The following SGCZ variants were observed in gnomAD, a reference collection of about 807,000 sequenced individuals.
SGCZ encodes the protein sarcoglycan zeta, also known as zeta-sarcoglycan.
Under a neutral mutation model 41.3 loss-of-function variants are expected in SGCZ, and 40 were observed. That is an observed-to-expected ratio of 0.97 (90% CI 0.75 to 1.26). The LOEUF (loss-of-function observed/expected upper bound fraction) is 1.26. SGCZ is among the 50% of genes most tolerant of loss of function. The pLI is 0.00. For synonymous variants in SGCZ, 206 were observed against 137.5 expected, an observed-to-expected ratio of 1.50 and a Z score of -3.49; for missense variants, 552 against 369.8, an observed-to-expected ratio of 1.49 and a Z score of -4.04.
intron 1 of SGCZ, among the ~76,000 whole-genome samples, chr8:15,187,957 G>C (rs905369573): frequency 6.6e-6 from 1 of 151,930 alleles, no homozygotes; most frequent in Admixed American, 6.6e-5. Context: ...GAGTAGGGGG[G>C]TGTATGATAT....
intron 3 of SGCZ, among the ~76,000 whole-genome samples, chr8:14,292,761 G>C (rs916620061): frequency 6.6e-6 from 1 of 151,712 alleles, no homozygotes; most frequent in Non-Finnish European, 1.5e-5. Context: ...CAACAAAATG[G>C]AAAAATAATA....
In SGCZ at chr8:15,030,150, G is replaced by A. The variant is rs192255263; in HGVS notation, c.39+207435C>T. On this transcript the variant is annotated intron_variant, in intron 1 of 7. Transcript: ENST00000382080. Reference sequence around the variant, plus strand: ...GCATTGTGTACAAGATGGGAAAGCAGCACAGGAATTGGAAGGATCCCCTTA... The same window carrying A: ...GCATTGTGTACAAGATGGGAAAGCAACACAGGAATTGGAAGGATCCCCTTA... Among the ~76,000 whole-genome samples, 26 of 152,208 alleles carry A rather than the reference G, an allele frequency of 1.7e-4. No homozygotes were observed. The South Asian group carries it at 3.9e-3, about 23-fold the overall frequency.
chr8:14,835,484 C>T (rs961533384), intron 1 of SGCZ, among the ~76,000 whole-genome samples: 2 of 152,166 alleles, frequency 1.3e-5, no homozygotes, highest in African/African-American at 4.8e-5. Flanking sequence ...GAATTGAAGA[C>T]TGTGTCTGCA....
At chr8:15,152,136 G>A (rs17471938) in intron 1 of SGCZ, among the ~76,000 whole-genome samples, 10,897 of 152,196 alleles carry the variant, frequency 0.072, 412 homozygotes, top group Non-Finnish European at 0.079. Flanking sequence ...GATGTCCTGA[G>A]ATAGCATGAA....
At chr8:14,974,666 C>A (rs967895811) in intron 1 of SGCZ, among the ~76,000 whole-genome samples, 1 of 152,048 alleles carries the variant, frequency 6.6e-6, no homozygotes, top group Non-Finnish European at 1.5e-5. Context: ...ATGTGAGAAC[C>A]GCTGCACTGA....
At chr8:14,617,850 ATGTGTG>A (rs34821756) in intron 1 of SGCZ, among the ~76,000 whole-genome samples, 50 of 92,786 alleles carry the variant, frequency 5.4e-4, no homozygotes, top group Non-Finnish European at 9.9e-4. Context: ...TTGTGTGTTT[ATGTGTG>A]TGTGTGTGTG....
At chr8:14,953,303 AGC>A (rs1800698264) in intron 1 of SGCZ, among the ~76,000 whole-genome samples, 1 of 152,120 alleles carries the variant, frequency 6.6e-6, no homozygotes. Flanking sequence ...CCAAGGGGGA[AGC>A]GCTACGTACA....
At chr8:15,026,073 T>A (rs2130950634) in intron 1 of SGCZ, among the ~76,000 whole-genome samples, 1 of 152,204 alleles carries the variant, frequency 6.6e-6, no homozygotes, top group Non-Finnish European at 1.5e-5. Flanking sequence ...ACGCGTTTTC[T>A]TTTTAGACTA....
intron 2 of SGCZ, among the ~76,000 whole-genome samples, chr8:14,408,505 C>T (rs987396157): frequency 5.3e-5 from 8 of 152,136 alleles, no homozygotes; most frequent in Non-Finnish European, 8.8e-5. Context: ...CCGTCTCTCC[C>T]CTGAACTGCA....
intron 1 of SGCZ, among the ~76,000 whole-genome samples, chr8:15,117,671 C>G (rs1807323863): frequency 6.6e-6 from 1 of 152,098 alleles, no homozygotes; most frequent in African/African-American, 2.4e-5. Flanking sequence ...TTATATGCTA[C>G]CAAATGCTAC....
intron 1 of SGCZ, among the ~76,000 whole-genome samples, chr8:14,966,048 T>C (rs1186222059): frequency 2.0e-5 from 3 of 152,016 alleles, no homozygotes; most frequent in African/African-American, 4.8e-5. Flanking sequence ...AGTTAACTAA[T>C]GAATTTACTT....
At chr8:14,155,283 C>CTGA (rs1803843481) in intron 5 of SGCZ, among the ~76,000 whole-genome samples, 1 of 152,038 alleles carries the variant, frequency 6.6e-6, no homozygotes, top group Non-Finnish European at 1.5e-5. Flanking sequence ...GCGTTTTTGT[C>CTGA]TGATATAATA....
At chr8:14,365,692 TA>T (rs1803678958) in intron 2 of SGCZ, among the ~76,000 whole-genome samples, 2 of 152,234 alleles carry the variant, frequency 1.3e-5, no homozygotes, top group African/African-American at 4.8e-5. Flanking sequence ...GGATATACTT[TA>T]AAAATAGGAA....
intron 3 of SGCZ, among the ~76,000 whole-genome samples, chr8:14,256,582 G>C (rs1356417370): frequency 1.3e-5 from 2 of 151,974 alleles, no homozygotes; most frequent in Non-Finnish European, 2.9e-5. Flanking sequence ...CTCCCTGAAG[G>C]TTTAAACCCT....
intron 1 of SGCZ, among the ~76,000 whole-genome samples, chr8:14,908,610 C>T (rs919081860): frequency 2.0e-5 from 3 of 151,754 alleles, no homozygotes; most frequent in South Asian, 2.1e-4. Flanking sequence ...ATTAGCCGGG[C>T]GTGGTGACAG....
intron 1 of SGCZ, among the ~76,000 whole-genome samples, chr8:14,945,656 A>G (rs1800419621): frequency 6.6e-6 from 1 of 151,522 alleles, no homozygotes; most frequent in Non-Finnish European, 1.5e-5. Context: ...CTGAGGGGGG[A>G]GATCTACAAT....
intron 5 of SGCZ, among the ~76,000 whole-genome samples, chr8:14,149,589 A>C (rs369578403): frequency 6.8e-4 from 103 of 151,826 alleles, no homozygotes; most frequent in African/African-American, 2.4e-3. Flanking sequence ...TAAAAAGTTC[A>C]TACCACCCAA....
intron 2 of SGCZ, among the ~76,000 whole-genome samples, chr8:14,479,053 G>C (rs944032802): frequency 3.9e-5 from 6 of 152,182 alleles, no homozygotes; most frequent in East Asian, 1.9e-4. Flanking sequence ...TAAATGGATA[G>C]AGGTACATAT....
At chr8:14,453,555 C>A (rs34234255) in intron 2 of SGCZ, among the ~76,000 whole-genome samples, 32,100 of 152,092 alleles carry the variant, frequency 0.21, 4,125 homozygotes, top group Non-Finnish European at 0.29. Flanking sequence ...CCCAAATTGT[C>A]AGTCTTCTTA....
Sources: allele counts gnomAD v4.1 joint callset (sites outside exome capture counted in the v4.1 genomes callset), GRCh38; gene constraint gnomAD v4.1.1; transcripts MANE v1.5; gene names NCBI Gene and HGNC (gene_info 2026-07-23, HGNC 2026-07-21).